The following AP4E1 variants were observed in gnomAD, a reference collection of about 807,000 sequenced individuals.
The protein encoded by AP4E1 is AP-4 complex subunit epsilon-1.
Under a neutral mutation model 128.2 loss-of-function variants are expected in AP4E1, and 56 were observed. That is an observed-to-expected ratio of 0.44 (90% CI 0.35 to 0.55). The LOEUF (loss-of-function observed/expected upper bound fraction) is 0.55, where lower values mean the gene tolerates loss of function less well. Ranked by LOEUF, AP4E1 falls within the 20% of genes least tolerant of loss-of-function variation. AP4E1 has a pLI of 0.00. For missense variants in AP4E1, 1,324 were observed against 1,307.7 expected (o/e 1.01, Z -0.19); for synonymous variants, 484 against 473.1 (o/e 1.02, Z -0.30).
chr15:50,946,710 C>T (rs1180458356), intron 10 of AP4E1, among the ~76,000 whole-genome samples: 1 of 152,130 alleles, frequency 6.6e-6, no homozygotes, highest in Non-Finnish European at 1.5e-5. Flanking sequence ...CCTAAAACAC[C>T]AATAAATGAT....
chr15:50,957,154 C>T (rs1248031337), intron 13 of AP4E1, among the ~76,000 whole-genome samples: 1 of 152,168 alleles, frequency 6.6e-6, no homozygotes, highest in Non-Finnish European at 1.5e-5. Context: ...GAGCTCTCAT[C>T]TGGTGTCCAG....
Position 50,999,277 on chromosome 15 carries a change from A to G in AP4E1, c.3095+15A>G. The G allele has an allele frequency of 6.2e-7, 1 of 1,600,620 alleles. No individual in the cohort carries two copies. The highest frequency in any genetic ancestry group is 1.1e-5 in the South Asian group (1 of 89,816). ...GATTTCATTAGGTAAATGTTTTGTG[A>G]AATGTTAATTCAAGTTGTTAATTCA... On this transcript the variant is annotated intron_variant, in intron 19 of 20. Transcript: ENST00000261842.
intron 15 of AP4E1, among the ~76,000 whole-genome samples, chr15:50,968,631 T>C (rs2064429517): frequency 6.6e-6 from 1 of 152,144 alleles, no homozygotes; most frequent in South Asian, 2.1e-4. Context: ...AATTTATTTA[T>C]TTATTTATTT....
At chr15:50,996,548 G>A (rs959569190) in intron 17 of AP4E1, among the ~76,000 whole-genome samples, 108 of 152,092 alleles carry the variant, frequency 7.1e-4, no homozygotes, top group African/African-American at 2.5e-3. Context: ...CTAGAATTCT[G>A]GTCAACTAGA....
At position 51,003,362 on chromosome 15, in the gene AP4E1, A is replaced by C. The variant is rs567515086; in HGVS notation, c.*700A>C. 12 of 152,754 alleles carry C rather than the reference A, an allele frequency of 7.9e-5. No homozygotes were observed. The East Asian group carries it at 2.1e-3, about 27-fold the overall frequency. The allele number at this position is 152,754 out of a possible 1,614,324, so 9.5% of individuals were successfully genotyped here. A position where few individuals can be genotyped will look rare whatever the true frequency, so the allele number is the denominator to read the frequency against. ...GTAAATCACTCTATTCTTATTTTGA[A>C]AACTCAGAGCCATTTTATATAGAAA... is the stretch of plus-strand genomic sequence containing the variant. On this transcript the variant is annotated 3_prime_UTR_variant, in exon 21 of 21. Transcript: ENST00000261842.
chr15:50,977,706 G>GTTTTTTTTTTTTTTTTTTTTT (rs1401774266), intron 15 of AP4E1, among the ~76,000 whole-genome samples: 4 of 80,294 alleles, frequency 5.0e-5, no homozygotes, highest in African/African-American at 1.4e-4. Context: ...ATCTGTTATG[G>GTTTTTTTTTTTTTTTTTTTTT]TTTTTTTTTT....
Position 50,953,795 on chromosome 15 carries a change from G to A in AP4E1, c.1548+3626G>A, listed in dbSNP as rs1329578530. Among the ~76,000 whole-genome samples, 3 of 152,130 alleles carry A rather than the reference G, an allele frequency of 2.0e-5. No homozygotes were observed. In the East Asian group the frequency reaches 5.8e-4, roughly 29 times the overall value. ...AAACATCATATGCTGAGGTTGTAAA[G>A]TTCTACAGTAAGAAGGGAAATTGCC... is the stretch of plus-strand genomic sequence containing the variant. On this transcript the variant is annotated intron_variant, in intron 13 of 20. Coordinates refer to ENST00000261842, the MANE Select transcript of AP4E1 (RefSeq NM_007347.5).
intron 3 of AP4E1, among the ~76,000 whole-genome samples, chr15:50,921,256 C>T (rs1330576710): frequency 6.6e-6 from 1 of 152,110 alleles, no homozygotes; most frequent in African/African-American, 2.4e-5. Context: ...CCCCAACGTG[C>T]TGGAATTATA....
At chr15:50,932,146 A>G (rs1226271418) in intron 7 of AP4E1, among the ~76,000 whole-genome samples, 3 of 151,862 alleles carry the variant, frequency 2.0e-5, no homozygotes, top group Non-Finnish European at 4.4e-5. Context: ...TGCCCGGCTA[A>G]TTTTTGTATT....
At chr15:50,926,262 G>A (rs2063768628) in intron 5 of AP4E1, among the ~76,000 whole-genome samples, 1 of 151,584 alleles carries the variant, frequency 6.6e-6, no homozygotes, top group African/African-American at 2.4e-5. Flanking sequence ...TCAGCCTCCT[G>A]AGTAGCTGGA....
At chr15:50,996,176 T>C (rs1445058158) in intron 17 of AP4E1, among the ~76,000 whole-genome samples, 1 of 125,972 alleles carries the variant, frequency 7.9e-6, no homozygotes, top group East Asian at 2.3e-4. Flanking sequence ...TTTTTTTTTT[T>C]CAGTAGAGAC....
Position 50,975,195 on chromosome 15 carries a change from C to T in AP4E1, c.1966+6818C>T, listed in dbSNP as rs150912665. Among the ~76,000 whole-genome samples the T allele has an allele frequency of 1.8e-3, 272 of 152,228 alleles. 2 individuals are homozygous for T. Among genetic ancestry groups the T allele is most frequent in the African/African-American group, 6.4e-3 (264 of 41,520 alleles). On this transcript the variant is annotated intron_variant, in intron 15 of 20. Transcript: ENST00000261842. ...CTGAGGTGGGTGGACCACCTGAGGTCGGGAGTTCGAGACCAGCCAGACCAA... is the reference window on the plus strand; with the variant it reads ...CTGAGGTGGGTGGACCACCTGAGGTTGGGAGTTCGAGACCAGCCAGACCAA...
intron 19 of AP4E1, among the ~76,000 whole-genome samples, chr15:51,000,761 T>C (rs956302636): frequency 1.3e-5 from 2 of 152,208 alleles, no homozygotes; most frequent in Non-Finnish European, 2.9e-5. Context: ...TGGTAAAATC[T>C]TACTGGAATG....
chr15:50,990,948 G>T (rs971352880), intron 16 of AP4E1, among the ~76,000 whole-genome samples: 1 of 152,172 alleles, frequency 6.6e-6, no homozygotes, highest in Non-Finnish European at 1.5e-5. Context: ...GAAGGAAAAA[G>T]AAGCAGGTTT....
intron 3 of AP4E1, among the ~76,000 whole-genome samples, chr15:50,920,689 C>T (rs987198918): frequency 2.1e-4 from 32 of 151,090 alleles, no homozygotes; most frequent in Non-Finnish European, 3.7e-4. Context: ...TGAGCCACTG[C>T]GCCCGGCCAT....
intron 8 of AP4E1, among the ~76,000 whole-genome samples, chr15:50,940,343 A>T (rs548806538): frequency 7.3e-5 from 11 of 151,690 alleles, no homozygotes; most frequent in East Asian, 3.9e-4. Flanking sequence ...GAGGTTTAAA[A>T]TTTTTTTTTG....
At chr15:50,968,750 C>T (rs1451117593) in intron 15 of AP4E1, among the ~76,000 whole-genome samples, 1 of 152,136 alleles carries the variant, frequency 6.6e-6, no homozygotes, top group South Asian at 2.1e-4. Flanking sequence ...GCCTCAGCCT[C>T]CCAAGTAGCT....
At chr15:50,937,539 C>T (rs2063922927) in intron 8 of AP4E1, among the ~76,000 whole-genome samples, 1 of 152,118 alleles carries the variant, frequency 6.6e-6, no homozygotes, top group Non-Finnish European at 1.5e-5. Context: ...GGAAAGATAA[C>T]TTGTTCATGA....
chr15:50,966,752 G>T (rs1281201922), intron 14 of AP4E1, among the ~76,000 whole-genome samples: 1 of 151,960 alleles, frequency 6.6e-6, no homozygotes, highest in Non-Finnish European at 1.5e-5. Flanking sequence ...GGTCAGGCTG[G>T]TCTCGAACTC....
Sources: allele counts gnomAD v4.1 joint callset (sites outside exome capture counted in the v4.1 genomes callset), GRCh38; gene constraint gnomAD v4.1.1; transcripts MANE v1.5; gene names NCBI Gene and HGNC (gene_info 2026-07-23, HGNC 2026-07-21).